The following RALGAPA1 variants were observed in gnomAD, a reference collection of about 807,000 sequenced individuals.
RALGAPA1 encodes ral GTPase-activating protein subunit alpha-1.
Under a neutral mutation model 269.6 loss-of-function variants are expected in RALGAPA1, and 52 were observed. That is an observed-to-expected ratio of 0.19 (90% CI 0.15 to 0.24). The LOEUF is 0.24. Ranked by LOEUF, RALGAPA1 falls within the 10% of genes least tolerant of loss-of-function variation. The probability of loss-of-function intolerance (pLI) is 1.00; values close to 1 mark genes in which losing one functional copy is unlikely to be tolerated. For missense variants in RALGAPA1, 1,917 were observed against 3,013.9 expected (o/e 0.64, Z 8.52); for synonymous variants, 817 against 1,008.3 (o/e 0.81, Z 3.60).
chr14:35,662,450 A>G (rs1595031912), intron 27 of RALGAPA1, among the ~76,000 whole-genome samples: 1 of 152,136 alleles, frequency 6.6e-6, no homozygotes, highest in East Asian at 1.9e-4. Flanking sequence ...TTAAATCTTC[A>G]TTTTCTGACT....
intron 35 of RALGAPA1, among the ~76,000 whole-genome samples, chr14:35,611,775 A>C (rs1164106827): frequency 6.6e-6 from 1 of 152,156 alleles, no homozygotes; most frequent in African/African-American, 2.4e-5. Context: ...AAACCCTCTG[A>C]AATTGACTAG....
chr14:35,709,809 A>G (rs2068136782), intron 16 of RALGAPA1, among the ~76,000 whole-genome samples: 1 of 152,188 alleles, frequency 6.6e-6, no homozygotes, highest in Non-Finnish European at 1.5e-5. Flanking sequence ...TGCGTTATTT[A>G]GAAGTGTGTC....
chr14:35,782,630 G>T (rs1171137753), intron 1 of RALGAPA1, among the ~76,000 whole-genome samples: 1 of 151,648 alleles, frequency 6.6e-6, no homozygotes, highest in Non-Finnish European at 1.5e-5. Context: ...GACGAGGTTG[G>T]CCAGGCTGGT....
At chr14:35,558,321 T>C (rs2055833308) in intron 39 of RALGAPA1, among the ~76,000 whole-genome samples, 1 of 152,240 alleles carries the variant, frequency 6.6e-6, no homozygotes, top group South Asian at 2.1e-4. Context: ...ATATCGTTTA[T>C]ATGTATTCAG....
intron 31 of RALGAPA1, among the ~76,000 whole-genome samples, chr14:35,645,346 G>GGTGGGT (rs1555387899): frequency 7.7e-6 from 1 of 129,488 alleles, no homozygotes. Flanking sequence ...TATAGAGATG[G>GGTGGGT]GTGTGTGTGT....
At position 35,808,897 on chromosome 14, in the gene RALGAPA1, G is replaced by A. The variant is rs777397392; in HGVS notation, c.-62C>T. 895 of 1,566,056 alleles carry A rather than the reference G, an allele frequency of 5.7e-4. No homozygotes were observed. Among genetic ancestry groups the A allele is most frequent in the Non-Finnish European group, 5.6e-4 (648 of 1,156,342 alleles). On this transcript the variant is annotated 5_prime_UTR_variant, in exon 1 of 42. Transcript: ENST00000680220. The stretch of plus-strand genomic sequence containing the variant: ...GGCTCCCAGCCGGGTCCCGGCGGCA[G>A]AAAGTGGAGGGAGTGGACGGGGAGG...
At chr14:35,807,011 C>T (rs767497908) in intron 1 of RALGAPA1, among the ~76,000 whole-genome samples, 1 of 152,128 alleles carries the variant, frequency 6.6e-6, no homozygotes. Context: ...TCTTAATTTA[C>T]CTTTTAATTT....
At chr14:35,759,895 G>C (rs2073552869) in intron 6 of RALGAPA1, among the ~76,000 whole-genome samples, 1 of 138,780 alleles carries the variant, frequency 7.2e-6, no homozygotes, top group East Asian at 2.1e-4. Flanking sequence ...CTGGGTGACA[G>C]AGTGAGATTC....
At position 35,754,476 on chromosome 14, in the gene RALGAPA1, C is replaced by T. The variant is rs1329057439; in HGVS notation, c.664-2314G>A. 3.9e-5 allele frequency among the ~76,000 whole-genome samples: 6 copies of T among 152,088 alleles called. No homozygotes were observed. In the East Asian group the frequency reaches 1.2e-3, roughly 29 times the overall value. On this transcript the variant is annotated intron_variant, in intron 7 of 41. Coordinates refer to ENST00000680220, the MANE Select transcript of RALGAPA1 (RefSeq NM_001346249.2). ...AGCACATAAAAAGATATTCAACATA[C>T]CATTAGCTGTTAGGGAAATACAAAT... is the stretch of plus-strand genomic sequence containing the variant.
chr14:35,686,757 T>C, intron 18 of RALGAPA1, 91 bp from the exon 19 acceptor site: 1 of 598,070 alleles, frequency 1.7e-6, no homozygotes, highest in Non-Finnish European at 2.7e-6. Flanking sequence ...ACAAAGTACC[T>C]TTGCCAATTA....
rs1196230797 is a variant in RALGAPA1 at position 35,689,848 on chromosome 14, C to T, written c.2563G>A (p.Glu855Lys). The T allele has an allele frequency of 6.2e-7, 1 of 1,600,752 alleles. No individual in the cohort carries two copies. The highest frequency in any genetic ancestry group is 1.7e-5 in the Admixed American group (1 of 57,792). Residue 855 changes from glutamate (E) to lysine (K), a missense_variant, in exon 18 of 42, where the codon GAA (glutamate) becomes AAA (lysine). Coordinates refer to ENST00000680220, the MANE Select transcript of RALGAPA1 (RefSeq NM_001346249.2). ...TSDILEPFTV[E>K]RAKGAVPVID... ...ACAGGAACTGCACCTTTGGCTCGTT[C>T]AACAGTGAATGGTTCCAAGATGTCA...
intron 16 of RALGAPA1, among the ~76,000 whole-genome samples, chr14:35,704,904 T>C (rs2067668862): frequency 6.6e-6 from 1 of 152,096 alleles, no homozygotes; most frequent in Non-Finnish European, 1.5e-5. Flanking sequence ...AAATGGAGAA[T>C]GACACAAACT....
In RALGAPA1 at chr14:35,713,754, T is replaced by C. The variant is rs148085569; in HGVS notation, c.2266+7934A>G. On this transcript the variant is annotated intron_variant, in intron 16 of 41. Coordinates refer to ENST00000680220, the MANE Select transcript of RALGAPA1 (RefSeq NM_001346249.2). ...TCATGAAATTCTTGAGAATAGGAAA[T>C]AAACTGCACTTTAGACTAAAAATGA... Among the ~76,000 whole-genome samples the C allele has an allele frequency of 3.7e-3, 563 of 152,254 alleles. 1 individual carries two copies. The highest frequency in any genetic ancestry group is 0.01 in the Middle Eastern group (3 of 294).
At chr14:35,725,313 A>G (rs1330006580) in intron 13 of RALGAPA1, among the ~76,000 whole-genome samples, 160 bp from the exon 14 acceptor site, 2 of 152,258 alleles carry the variant, frequency 1.3e-5, no homozygotes, top group African/African-American at 2.4e-5. Context: ...AAAAATTAAA[A>G]TTACATTTTA....
At chr14:35,656,754 A>G (rs2140072853) in intron 28 of RALGAPA1, among the ~76,000 whole-genome samples, 1 of 152,348 alleles carries the variant, frequency 6.6e-6, no homozygotes, top group Middle Eastern at 3.4e-3. Context: ...CTTTCAGTCT[A>G]GAGTGTTAAG....
At chr14:35,579,983 T>C (rs1365657677) in intron 37 of RALGAPA1, among the ~76,000 whole-genome samples, 1 of 152,200 alleles carries the variant, frequency 6.6e-6, no homozygotes, top group Non-Finnish European at 1.5e-5. Context: ...TATATTTCTG[T>C]ATAAAATAAA....
At chr14:35,549,985 T>G (rs968763022) in intron 39 of RALGAPA1, among the ~76,000 whole-genome samples, 1 of 152,206 alleles carries the variant, frequency 6.6e-6, no homozygotes, top group African/African-American at 2.4e-5. Flanking sequence ...ATACTGTAGT[T>G]CCTTTTCACC....
intron 36 of RALGAPA1, among the ~76,000 whole-genome samples, chr14:35,600,232 C>CTTTTTTTTTT (rs71124708): frequency 1.8e-4 from 16 of 86,950 alleles, no homozygotes; most frequent in South Asian, 3.7e-4. Flanking sequence ...TTCTTTTTTT[C>CTTTTTTTTTT]TTTTTTTTTT....
chr14:35,549,200 C>A lies in RALGAPA1; in HGVS notation c.7531G>T (p.Val2511Phe). 6.2e-7 allele frequency: 1 copy of A among 1,612,488 alleles called. No homozygotes were observed. Among genetic ancestry groups the A allele is most frequent in the African/African-American group, 1.3e-5 (1 of 74,924 alleles). Residue 2511 changes from valine (V) to phenylalanine (F), a missense_variant, in exon 40 of 42, where the codon GTC (valine) becomes TTC (phenylalanine). By Grantham distance (50) the Val-to-Phe change is conservative (BLOSUM62 -1). Around this residue, in one of 11 missense-constraint regions of RALGAPA1, gnomAD observed 91 missense variants for 130.9 expected, o/e 0.70. Transcript: ENST00000680220. ...EERARYLQTI[V>F]QHHLEPTTFE... ...GTTGTTGGTTCTAAGTGGTGCTGGA[C>A]AATTGTTTGCAGGTATCGTGCTCTC... is the stretch of plus-strand genomic sequence containing the variant.
Sources: gnomAD v4.1 joint callset for allele counts (sites outside exome capture counted in the v4.1 genomes callset) on GRCh38, gnomAD v4.1.1 for gene constraint, gnomAD v4.1.1 regional missense constraint, MANE v1.5 for transcripts, NCBI Gene and HGNC (gene_info 2026-07-23, HGNC 2026-07-21) for gene names.